Variants in PRORP observed in about 807,000 individuals in gnomAD.
PRORP encodes the protein protein only RNase P catalytic subunit, also known as mitochondrial ribonuclease P catalytic subunit.
Under a neutral mutation model 59.4 loss-of-function variants are expected in PRORP, and 51 were observed. The ratio of observed to expected loss-of-function variants is 0.86; its 90% confidence interval spans 0.69 to 1.08. The LOEUF is 1.08. PRORP is among the 50% of genes least tolerant of loss of function. The pLI, the probability that PRORP is intolerant of heterozygous loss-of-function variation, is 0.00. For synonymous variants in PRORP, 231 were observed against 245.6 expected (o/e 0.94, Z 0.55); for missense variants, 646 against 690.3 (o/e 0.94, Z 0.72).
chr14:35,214,021 G>A (rs1042992754), intron 5 of PRORP, among the ~76,000 whole-genome samples: 1 of 152,150 alleles, frequency 6.6e-6, no homozygotes, highest in Non-Finnish European at 1.5e-5. Flanking sequence ...CATATTCCCT[G>A]TGCATCTGCT....
chr14:35,161,627 T>A (rs1161411704), intron 4 of PRORP, among the ~76,000 whole-genome samples: 2 of 152,186 alleles, frequency 1.3e-5, no homozygotes, highest in Non-Finnish European at 2.9e-5. Context: ...GGGAGCAAGA[T>A]TTTATAATTA....
chr14:35,266,603 A>C (rs1281028796), intron 5 of PRORP, 124 bp from the exon 6 acceptor site: 2 of 972,884 alleles, frequency 2.1e-6, no homozygotes, highest in African/African-American at 1.6e-5. Context: ...ATTATTGTGG[A>C]TTGTTTTCTT....
At chr14:35,212,408 C>T (rs1359410837) in intron 5 of PRORP, among the ~76,000 whole-genome samples, 1 of 152,140 alleles carries the variant, frequency 6.6e-6, no homozygotes, top group Non-Finnish European at 1.5e-5. Flanking sequence ...CAGCTATAGC[C>T]TTATGAAATG....
chr14:35,147,661 A>G (rs546709668), intron 4 of PRORP, among the ~76,000 whole-genome samples: 3 of 152,384 alleles, frequency 2.0e-5, no homozygotes, highest in Non-Finnish European at 4.4e-5. Context: ...AAATAAGACA[A>G]TAATGAAGTT....
In PRORP at chr14:35,123,347, A is replaced by C. The variant is rs17103059; in HGVS notation, c.102A>C (p.Ala34=). ...ACTCTTATGTCTCGCTGTTTCTGGC[A>C]GACCGCTGTGGCATCAGGAACCAGC... The part of the protein sequence containing the change: ...PGHSYVSLFL[A]DRCGIRNQQR... The change falls in exon 2 of 8, where the codon GCA becomes GCC. Residue 34 remains alanine (A), a synonymous_variant. Coordinates refer to ENST00000534898, the MANE Select transcript of PRORP (RefSeq NM_014672.4). 1 of 1,614,114 alleles carries C rather than the reference A, an allele frequency of 6.2e-7. No individual in the cohort carries two copies. The highest frequency in any genetic ancestry group is 1.7e-5 in the Admixed American group (1 of 60,022).
Position 35,218,459 on chromosome 14 carries a change from T to TAAAA in PRORP, c.1275+37686_1275+37689dup, listed in dbSNP as rs748403834. Among the ~76,000 whole-genome samples, 153 of 44,640 alleles carry TAAAA rather than the reference T, an allele frequency of 3.4e-3. 13 individuals carry two copies. Among genetic ancestry groups the TAAAA allele is most frequent in the South Asian group, 9.3e-3 (7 of 750 alleles). 29.3% of individuals were successfully genotyped at this position (44,640 alleles called of 152,430 possible). ...CTGGGCAACAGAGCAAGATCCTGTC[T>TAAAA]AAAAAAAGAAAAAAAAAAAAAAAAA... On this transcript the variant is annotated intron_variant, in intron 5 of 7. Transcript: ENST00000534898.
chr14:35,244,727 CCAGTTGGGTTAAGAAGTT>C (rs2050444445), intron 5 of PRORP, among the ~76,000 whole-genome samples: 1 of 152,162 alleles, frequency 6.6e-6, no homozygotes, highest in Admixed American at 6.5e-5. Context: ...TTTGTACCCA[CCAGTTGGGTTAAGAAGTT>C]CCCTGTGTGT....
intron 5 of PRORP, among the ~76,000 whole-genome samples, chr14:35,183,209 C>CACAT (rs904108117): frequency 5.8e-5 from 8 of 137,286 alleles, no homozygotes; most frequent in African/African-American, 1.8e-4. Context: ...AGAAGTTTAA[C>CACAT]ACATACATAC....
intron 5 of PRORP, chr14:35,235,335 T>C: frequency 1.4e-6 from 1 of 701,890 alleles, no homozygotes; most frequent in South Asian, 1.4e-5. Flanking sequence ...TTAGCCAAAG[T>C]GTCTTTGTCT....
intron 5 of PRORP, among the ~76,000 whole-genome samples, chr14:35,266,500 AC>A (rs200232979): frequency 7.4e-5 from 11 of 149,114 alleles, no homozygotes; most frequent in African/African-American, 1.7e-4. Context: ...AAATAAAGAA[AC>A]CCCCCCCTGC....
rs2048585796 is a variant in PRORP, at chr14:35,180,788, G to C, written c.1275+11G>C. On this transcript the variant is annotated intron_variant, in intron 5 of 7. Coordinates refer to ENST00000534898, the MANE Select transcript of PRORP (RefSeq NM_014672.4). ...CGTGAATCTCAACTTGTAAGTATAA[G>C]TTTTACTTTGTTATTCCACATCTCT... The C allele has an allele frequency of 6.7e-7, 1 of 1,494,094 alleles. No homozygotes were observed. 92.6% of individuals were successfully genotyped at this position (1,494,094 alleles called of 1,614,324 possible). A position where few individuals can be genotyped will look rare whatever the true frequency, so the allele number is the denominator to read the frequency against.
intron 5 of PRORP, among the ~76,000 whole-genome samples, chr14:35,211,154 T>C (rs1348254290): frequency 1.3e-5 from 2 of 152,184 alleles, no homozygotes; most frequent in Non-Finnish European, 2.9e-5. Context: ...GTGATATACA[T>C]ATATAGGATT....
chr14:35,133,158 G>T (rs1468013611), intron 4 of PRORP, among the ~76,000 whole-genome samples: 1 of 152,086 alleles, frequency 6.6e-6, no homozygotes, highest in East Asian at 1.9e-4. Context: ...CTGACCTCAT[G>T]ATCTGCCCAC....
chr14:35,208,062 A>T (rs2049339381), intron 5 of PRORP, among the ~76,000 whole-genome samples: 1 of 151,992 alleles, frequency 6.6e-6, no homozygotes, highest in African/African-American at 2.4e-5. Flanking sequence ...AGGCAGAAGA[A>T]TCGCTTGAAC....
At chr14:35,153,936 C>T (rs1308331253) in intron 4 of PRORP, among the ~76,000 whole-genome samples, 1 of 152,188 alleles carries the variant, frequency 6.6e-6, no homozygotes, top group Non-Finnish European at 1.5e-5. Context: ...TTATTATAAG[C>T]TAGTCACTGT....
rs187496077 is a variant in PRORP, at chr14:35,163,394, G to C, written c.1168-17276G>C. 2.6e-5 allele frequency among the ~76,000 whole-genome samples: 4 copies of C among 152,104 alleles called. No homozygotes were observed. In the East Asian group the frequency reaches 7.7e-4, roughly 29 times the overall value. ...TGTATTAAATTGATCTCATGACCTA[G>C]TAAGGTGTTGTGACCTGCAGTTAAA... is the stretch of plus-strand genomic sequence containing the variant. On this transcript the variant is annotated intron_variant, in intron 4 of 7. Transcript: ENST00000534898.
intron 3 of PRORP, 140 bp from the exon 4 acceptor site, chr14:35,127,339 A>G (rs2047122728): frequency 1.7e-6 from 1 of 581,124 alleles, no homozygotes; most frequent in African/African-American, 2.0e-5. Context: ...ACAAAAAATT[A>G]GATGTATGTG....
chr14:35,198,614 C>T (rs1417908332), intron 5 of PRORP, among the ~76,000 whole-genome samples: 1 of 152,220 alleles, frequency 6.6e-6, no homozygotes, highest in African/African-American at 2.4e-5. Flanking sequence ...AATTTCATTT[C>T]AGTTCTTTAA....
In PRORP at chr14:35,274,647, CA is replaced by C. The variant is rs1322200377; in HGVS notation, c.*1085del. Reference sequence around the variant, plus strand: ...TGGGTGACAGAGCGAGACCTTGTCTCAAAACAAAACAAAGTGCTGGAATTGC... The same window carrying C: ...TGGGTGACAGAGCGAGACCTTGTCTCAAACAAAACAAAGTGCTGGAATTGC... On this transcript the variant is annotated 3_prime_UTR_variant, in exon 8 of 8. Transcript: ENST00000534898. 6.6e-6 allele frequency: 1 copy of C among 152,126 alleles called. No homozygotes were observed. The highest frequency in any genetic ancestry group is 1.5e-5 in the Non-Finnish European group (1 of 68,038). 9.4% of individuals were successfully genotyped at this position (152,126 alleles called of 1,614,324 possible).
Sources: allele counts gnomAD v4.1 joint callset (sites outside exome capture counted in the v4.1 genomes callset), GRCh38; gene constraint gnomAD v4.1.1; transcripts MANE v1.5; gene names NCBI Gene and HGNC (gene_info 2026-07-23, HGNC 2026-07-21).